Variants in DCTN4 observed in about 807,000 individuals in gnomAD.
The protein encoded by DCTN4 is dynactin subunit 4.
A neutral mutation model predicts 62.7 loss-of-function variants in DCTN4; 23 were observed. That is an observed-to-expected ratio of 0.37 (90% CI 0.26 to 0.52). The LOEUF is 0.52. Ranked by LOEUF, DCTN4 falls within the 20% of genes least tolerant of loss-of-function variation. DCTN4 has a pLI of 0.92. For missense variants in DCTN4, 514 were observed against 580.4 expected (o/e 0.89, Z 1.18); for synonymous variants, 199 against 202.1 (o/e 0.98, Z 0.13).
intron 3 of DCTN4, among the ~76,000 whole-genome samples, chr5:150,752,991 C>T (rs1429092412): frequency 1.3e-5 from 2 of 151,976 alleles, no homozygotes; most frequent in Admixed American, 6.6e-5. Context: ...CTCAGCCTCC[C>T]GAGTAGCTGG....
chr5:150,711,097 C>T lies in DCTN4; in HGVS notation c.*52G>A, dbSNP rs1056604314. The T allele has an allele frequency of 8.5e-6, 13 of 1,536,872 alleles. No homozygotes were observed. The highest frequency in any genetic ancestry group is 4.5e-5 in the East Asian group (2 of 44,310). On this transcript the variant is annotated 3_prime_UTR_variant, in exon 13 of 13. Coordinates refer to ENST00000447998, the MANE Select transcript of DCTN4 (RefSeq NM_016221.4). ...TGAAGCAGCAGCTTCCACATTTTAACGCAGGTTTACGGTGATACTGTCCTT... is the reference window on the plus strand; with the variant it reads ...TGAAGCAGCAGCTTCCACATTTTAATGCAGGTTTACGGTGATACTGTCCTT...
chr5:150,733,648 A>G, intron 4 of DCTN4, 173 bp from the exon 5 acceptor site: 1 of 475,646 alleles, frequency 2.1e-6, no homozygotes, highest in East Asian at 3.4e-5. Context: ...TGTTTTCCGA[A>G]GTGAAATGGA....
At chr5:150,714,370 T>A (rs1171635906) in intron 12 of DCTN4, among the ~76,000 whole-genome samples, 1 of 151,874 alleles carries the variant, frequency 6.6e-6, no homozygotes, top group African/African-American at 2.4e-5. Context: ...CCTGTGGCCA[T>A]CACTCCAAAA....
At chr5:150,735,914 T>TAA (rs4036951) in intron 4 of DCTN4, among the ~76,000 whole-genome samples, 20 of 126,108 alleles carry the variant, frequency 1.6e-4, no homozygotes, top group African/African-American at 3.0e-4. Flanking sequence ...TTAAGGGAAT[T>TAA]AAAAAAAAAA....
chr5:150,734,304 T>G (rs1198126543), intron 4 of DCTN4: 1 of 152,186 alleles, frequency 6.6e-6, no homozygotes, highest in Non-Finnish European at 1.5e-5. Flanking sequence ...AATCTGTGAG[T>G]GCCCATGTGT....
At chr5:150,711,503 A>G (rs1367526214) in intron 12 of DCTN4, 141 bp from the exon 13 acceptor site, 6 of 706,444 alleles carry the variant, frequency 8.5e-6, no homozygotes, top group Admixed American at 2.9e-5. Flanking sequence ...TAACCTACCA[A>G]GTATTTTTTT....
At chr5:150,720,386 C>T (rs1176394349) in intron 9 of DCTN4, among the ~76,000 whole-genome samples, 1 of 151,986 alleles carries the variant, frequency 6.6e-6, no homozygotes, top group Admixed American at 6.6e-5. Context: ...AAAACACACA[C>T]ACACACAAAA....
At chr5:150,756,389 AG>A (rs2113161374) in intron 2 of DCTN4, 27 bp downstream of exon 2, 1 of 1,507,952 alleles carries the variant, frequency 6.6e-7, no homozygotes, top group Non-Finnish European at 9.0e-7. Flanking sequence ...GAAAATAGGA[AG>A]AAAAAAAAAA....
chr5:150,730,650 T>C lies in DCTN4; in HGVS notation c.815A>G (p.Lys272Arg). 6.2e-7 allele frequency: 1 copy of C among 1,613,986 alleles called. No homozygotes were observed. Among genetic ancestry groups the C allele is most frequent in the East Asian group, 2.2e-5 (1 of 44,874 alleles). Reference sequence around the variant, plus strand: ...ACTTACACGGCAGCGCAGGGACCGTTTGATCAGAAGATGTTTGTGGCGAGG... The same window carrying C: ...ACTTACACGGCAGCGCAGGGACCGTCTGATCAGAAGATGTTTGTGGCGAGG... ...LYPRHKHLLI[K>R]RSLRCRKCEH... The change falls in exon 8 of 13, where the codon AAA becomes AGA. Residue 272 changes from lysine (K) to arginine (R), a missense_variant. Lys to Arg is a conservative substitution (Grantham distance 26). Coordinates refer to ENST00000447998, the MANE Select transcript of DCTN4 (RefSeq NM_016221.4).
rs897088951 is a variant in DCTN4 at position 150,730,827 on chromosome 5, T to C, written c.725-87A>G. 48 of 1,118,402 alleles carry C rather than the reference T, an allele frequency of 4.3e-5. No individual in the cohort carries two copies. In the South Asian group the frequency reaches 5.7e-4, roughly 13 times the overall value. The allele number at this position is 1,118,402 out of a possible 1,614,324, so 69.3% of individuals were successfully genotyped here. A position where few individuals can be genotyped will look rare whatever the true frequency, so the allele number is the denominator to read the frequency against. On this transcript the variant is annotated intron_variant, in intron 7 of 12. Coordinates refer to ENST00000447998, the MANE Select transcript of DCTN4 (RefSeq NM_016221.4). ...TACCAGTAATTACACGAAGCATTAC[T>C]GCCTTTACGAACAGTGTTGTTCATA...
At chr5:150,754,188 T>C (rs1046373304) in intron 2 of DCTN4, among the ~76,000 whole-genome samples, 9 of 152,236 alleles carry the variant, frequency 5.9e-5, no homozygotes, top group Non-Finnish European at 1.0e-4. Flanking sequence ...TTCCTAGTGC[T>C]CAGCCAACAT....
At chr5:150,756,896 G>A (rs937241351) in intron 1 of DCTN4, among the ~76,000 whole-genome samples, 3 of 152,054 alleles carry the variant, frequency 2.0e-5, no homozygotes, top group African/African-American at 4.8e-5. Flanking sequence ...GGTTTTGAAG[G>A]ACATTTTTTT....
intron 4 of DCTN4, 136 bp from the exon 5 acceptor site, chr5:150,733,611 A>G (rs978376310): frequency 1.8e-6 from 1 of 564,770 alleles, no homozygotes; most frequent in Admixed American, 3.7e-5. Context: ...TTTTTCTTCT[A>G]AGATAATTTT....
chr5:150,712,479 G>C (rs916268056), intron 12 of DCTN4, among the ~76,000 whole-genome samples: 1 of 152,158 alleles, frequency 6.6e-6, no homozygotes, highest in African/African-American at 2.4e-5. Flanking sequence ...CCAGGCTGGA[G>C]AGCAGTGGCA....
chr5:150,734,989 G>A (rs1760522798), intron 4 of DCTN4, among the ~76,000 whole-genome samples: 1 of 152,138 alleles, frequency 6.6e-6, no homozygotes, highest in Non-Finnish European at 1.5e-5. Context: ...AGCAAACCCT[G>A]CCCAAGGAGA....
At chr5:150,750,041 A>C (rs1028094416) in intron 3 of DCTN4, among the ~76,000 whole-genome samples, 6 of 152,198 alleles carry the variant, frequency 3.9e-5, no homozygotes, top group African/African-American at 1.4e-4. Flanking sequence ...TAGTGATAGA[A>C]AGCATATCAG....
At chr5:150,755,194 G>A (rs1752813446) in intron 2 of DCTN4, among the ~76,000 whole-genome samples, 1 of 152,118 alleles carries the variant, frequency 6.6e-6, no homozygotes, top group South Asian at 2.1e-4. Flanking sequence ...AATATAAAAT[G>A]AATATTCATA....
rs1349280009 is a variant in DCTN4, at chr5:150,710,797, T to C, written c.*352A>G. 7.5e-6 allele frequency: 2 copies of C among 268,278 alleles called. No individual in the cohort carries two copies. Among genetic ancestry groups the C allele is most frequent in the African/African-American group, 4.3e-5 (2 of 46,372 alleles). The allele number at this position is 268,278 out of a possible 1,614,324, so 16.6% of individuals were successfully genotyped here. On this transcript the variant is annotated 3_prime_UTR_variant, in exon 13 of 13. Coordinates refer to ENST00000447998, the MANE Select transcript of DCTN4 (RefSeq NM_016221.4). ...GTTTCATCTGTGACATTGTGATCCT[T>C]AGTGAGATCAGATCAAGAGACAGTA...
At position 150,720,240 on chromosome 5, in the gene DCTN4, T is replaced by C. The variant is rs369561989; in HGVS notation, c.909-470A>G. 9.9e-5 allele frequency among the ~76,000 whole-genome samples: 15 copies of C among 152,284 alleles called. No individual in the cohort carries two copies. The East Asian group carries it at 2.1e-3, about 22-fold the overall frequency. ...TAATACGAAATCTATTGCAGAAACA[T>C]TAAAAGTGGGGGAAAAAGTACATCT... On this transcript the variant is annotated intron_variant, in intron 9 of 12. Transcript: ENST00000447998.
Sources: gnomAD v4.1 joint callset for allele counts (sites outside exome capture counted in the v4.1 genomes callset) on GRCh38, gnomAD v4.1.1 for gene constraint, MANE v1.5 for transcripts, NCBI Gene and HGNC (gene_info 2026-07-23, HGNC 2026-07-21) for gene names.